The following TFPI variants were observed in gnomAD, a reference collection of about 807,000 sequenced individuals.
TFPI encodes tissue factor pathway inhibitor, also known as anti-convertin.
A neutral mutation model predicts 34.6 loss-of-function variants in TFPI; 15 were observed. That is an observed-to-expected ratio of 0.43 (90% confidence interval 0.29 to 0.67). The LOEUF (loss-of-function observed/expected upper bound fraction) is 0.67, where lower values mean the gene tolerates loss of function less well. TFPI is among the 30% of genes least tolerant of loss of function. The pLI is 0.15. For synonymous variants in TFPI, 105 were observed against 120.1 expected, an observed-to-expected ratio of 0.87 and a Z score of 0.82; for missense variants, 301 against 364.0, an observed-to-expected ratio of 0.83 and a Z score of 1.41.
rs769536511 is a variant in TFPI, at chr2:187,484,949, T to C, written c.397A>G (p.Ile133Val). ...TACCTGGTAATATAACCTCGACATA[T>C]TCCAGGATCTTCTTCCAAAAAGCAG... ...DFCFLEEDPG[I>V]CRGYITRYFY... The change falls in exon 5 of 8, where the codon ATA becomes GTA. Residue 133 changes from isoleucine (I) to valine (V), a missense_variant. Transcript: ENST00000233156. 1 of 1,519,108 alleles carries C rather than the reference T, an allele frequency of 6.6e-7. No individual in the cohort carries two copies. Among genetic ancestry groups the C allele is most frequent in the East Asian group, 2.5e-5 (1 of 40,598 alleles). 94.1% of individuals were successfully genotyped at this position (1,519,108 alleles called of 1,614,324 possible).
At chr2:187,512,309 C>T (rs1686698770) in intron 1 of TFPI, among the ~76,000 whole-genome samples, 1 of 148,978 alleles carries the variant, frequency 6.7e-6, no homozygotes, top group East Asian at 2.0e-4. Context: ...AAAAAGGTAG[C>T]TTACTAACTT....
intron 1 of TFPI, among the ~76,000 whole-genome samples, chr2:187,540,722 C>A (rs558589156): frequency 6.6e-6 from 1 of 151,850 alleles, no homozygotes; most frequent in East Asian, 1.9e-4. Context: ...GAAACCCCAT[C>A]TCTACTAAAA....
At chr2:187,551,240 T>C (rs534853759) in intron 1 of TFPI, among the ~76,000 whole-genome samples, 33 of 152,252 alleles carry the variant, frequency 2.2e-4, no homozygotes, top group African/African-American at 7.2e-4. Context: ...CATGGAACAA[T>C]TGGGATAGTT....
intron 1 of TFPI, chr2:187,516,713 A>C (rs2106188017): frequency 6.6e-6 from 1 of 152,346 alleles, no homozygotes; most frequent in South Asian, 2.1e-4. Flanking sequence ...ATTCACCGAC[A>C]GACAGCCCAG....
intron 3 of TFPI, among the ~76,000 whole-genome samples, chr2:187,489,637 A>G (rs3771057): frequency 7.3e-4 from 110 of 151,660 alleles, no homozygotes; most frequent in East Asian, 3.3e-3. Flanking sequence ...ACCTATTGAC[A>G]ATAGTCATAA....
intron 1 of TFPI, among the ~76,000 whole-genome samples, chr2:187,539,595 G>T (rs1559156311): frequency 6.6e-6 from 1 of 152,212 alleles, no homozygotes; most frequent in East Asian, 1.9e-4. Flanking sequence ...TTTAATCCAC[G>T]ATTGGAAACT....
chr2:187,485,282 T>G (rs1386198030), intron 4 of TFPI, among the ~76,000 whole-genome samples: 1 of 151,746 alleles, frequency 6.6e-6, no homozygotes, highest in Non-Finnish European at 1.5e-5. Context: ...GCTTTGAAAT[T>G]ACAAAACATT....
intron 3 of TFPI, among the ~76,000 whole-genome samples, chr2:187,490,497 C>T (rs1685044378): frequency 6.6e-6 from 1 of 151,394 alleles, no homozygotes; most frequent in African/African-American, 2.4e-5. Flanking sequence ...TTCTTTCCAC[C>T]AGGTAGTATT....
intron 1 of TFPI, among the ~76,000 whole-genome samples, chr2:187,504,047 T>C (rs2106121380): frequency 6.6e-6 from 1 of 152,254 alleles, no homozygotes; most frequent in African/African-American, 2.4e-5. Flanking sequence ...GGACAGTAAT[T>C]GAGAGACATG....
intron 1 of TFPI, among the ~76,000 whole-genome samples, chr2:187,505,214 C>G (rs994929470): frequency 2.6e-5 from 4 of 152,080 alleles, no homozygotes; most frequent in Non-Finnish European, 4.4e-5. Flanking sequence ...AGAGTGTACT[C>G]TGCATCACAC....
intron 1 of TFPI, chr2:187,517,838 A>C (rs1169766337): frequency 6.6e-6 from 1 of 152,216 alleles, no homozygotes; most frequent in African/African-American, 2.4e-5. Flanking sequence ...TATTGGGTGC[A>C]TATATATTAG....
At chr2:187,470,437 A>G (rs779242303) in intron 6 of TFPI, among the ~76,000 whole-genome samples, 3 of 152,172 alleles carry the variant, frequency 2.0e-5, no homozygotes, top group Non-Finnish European at 4.4e-5. Flanking sequence ...CTAGGCTAGT[A>G]CATATGGGGC....
At chr2:187,472,831 G>A (rs879606656) in intron 6 of TFPI, among the ~76,000 whole-genome samples, 1 of 151,974 alleles carries the variant, frequency 6.6e-6, no homozygotes, top group Non-Finnish European at 1.5e-5. Context: ...GACCAACTAG[G>A]TGAAACCCTG....
chr2:187,487,315 T>C (rs8176504), intron 4 of TFPI, among the ~76,000 whole-genome samples: 1,753 of 145,068 alleles, frequency 0.012, 41 homozygotes, highest in African/African-American at 0.042. Flanking sequence ...TTTATAGGAA[T>C]CTATTTTTTA....
intron 1 of TFPI, among the ~76,000 whole-genome samples, chr2:187,543,655 C>T (rs187932512): frequency 6.6e-6 from 1 of 152,284 alleles, no homozygotes; most frequent in East Asian, 1.9e-4. Flanking sequence ...TTAGCCTACA[C>T]CCACCTAAAG....
chr2:187,518,157 C>T (rs6740531), intron 1 of TFPI: 61,651 of 152,020 alleles, frequency 0.41, 13,276 homozygotes, highest in East Asian at 0.49. Flanking sequence ...GTTAATATTG[C>T]TATGTGTGAA....
At chr2:187,484,389 G>A (rs1693103822) in intron 5 of TFPI, 173 bp from the exon 6 acceptor site, 1 of 589,570 alleles carries the variant, frequency 1.7e-6, no homozygotes, top group African/African-American at 1.9e-5. Flanking sequence ...ATATTTCCAT[G>A]AGTAACTGTA....
In TFPI at chr2:187,522,474, A is replaced by G. The variant is rs933807373; in HGVS notation, c.-2-18704T>C. Among the ~76,000 whole-genome samples the G allele has an allele frequency of 5.9e-4, 89 of 152,068 alleles. 5 individuals carry two copies. The highest frequency in any genetic ancestry group is 1.5e-5 in the Non-Finnish European group (1 of 68,044). On this transcript the variant is annotated intron_variant, in intron 1 of 7. Coordinates refer to ENST00000233156, the MANE Select transcript of TFPI (RefSeq NM_006287.6). ...GTTATGCTAGAATAGTAAATTCTAG[A>G]GATCTGCTGTACAACATATTGTTTA...
chr2:187,540,170 T>G (rs988734706), intron 1 of TFPI, among the ~76,000 whole-genome samples: 1 of 152,138 alleles, frequency 6.6e-6, no homozygotes, highest in Non-Finnish European at 1.5e-5. Flanking sequence ...CCCAAAGTGC[T>G]AGGATTACAG....
Sources: allele counts gnomAD v4.1 joint callset (sites outside exome capture counted in the v4.1 genomes callset), GRCh38; gene constraint gnomAD v4.1.1; transcripts MANE v1.5; gene names NCBI Gene and HGNC (gene_info 2026-07-23, HGNC 2026-07-21).